The following CDH20 variants were observed in gnomAD, a reference collection of about 807,000 sequenced individuals.
CDH20 encodes cadherin-20.
In CDH20, 29 loss-of-function variants were observed where a neutral mutation model predicts 74.2. That is an observed-to-expected ratio of 0.39 (90% CI 0.29 to 0.53). CDH20 has a LOEUF of 0.53. Among genes scored for constraint, CDH20 ranks in the 20% least tolerant of loss-of-function variants. The pLI, the probability that CDH20 is intolerant of heterozygous loss-of-function variation, is 0.69. For synonymous variants in CDH20, 469 were observed against 405.4 expected (o/e 1.16, Z -1.88); for missense variants, 988 against 1,048.3 (o/e 0.94, Z 0.79).
intron 1 of CDH20, among the ~76,000 whole-genome samples, chr18:61,427,226 T>C (rs1192261689): frequency 6.6e-6 from 1 of 152,140 alleles, no homozygotes; most frequent in African/African-American, 2.4e-5. Flanking sequence ...TTACATACAA[T>C]AATTGTGAGG....
intron 1 of CDH20, among the ~76,000 whole-genome samples, chr18:61,475,045 T>C (rs1487568079): frequency 6.6e-6 from 1 of 152,022 alleles, no homozygotes; most frequent in Non-Finnish European, 1.5e-5. Context: ...TTTTATCAGT[T>C]AAAAAATGAG....
chr18:61,395,752 T>C (rs749633988), intron 1 of CDH20, among the ~76,000 whole-genome samples: 5 of 152,220 alleles, frequency 3.3e-5, no homozygotes, highest in Admixed American at 6.5e-5. Context: ...TATATGACCT[T>C]GGCCAGGCGC....
intron 6 of CDH20, among the ~76,000 whole-genome samples, chr18:61,523,740 TA>T (rs1324868351): frequency 6.6e-6 from 1 of 152,070 alleles, no homozygotes; most frequent in Non-Finnish European, 1.5e-5. Flanking sequence ...TATGCAGCCA[TA>T]AAAAAGGAGG....
At chr18:61,481,683 A>T (rs771936366) in intron 1 of CDH20, among the ~76,000 whole-genome samples, 8 of 152,136 alleles carry the variant, frequency 5.3e-5, no homozygotes, top group Non-Finnish European at 7.3e-5. Context: ...GCCATTGCCC[A>T]TACACATTAG....
intron 1 of CDH20, among the ~76,000 whole-genome samples, chr18:61,412,369 T>G (rs1912541777): frequency 6.6e-6 from 1 of 152,202 alleles, no homozygotes; most frequent in Non-Finnish European, 1.5e-5. Flanking sequence ...AAATTCACAC[T>G]GCTGTTGAGG....
chr18:61,478,274 T>C (rs1000266332), intron 1 of CDH20, among the ~76,000 whole-genome samples: 1 of 152,186 alleles, frequency 6.6e-6, no homozygotes, highest in African/African-American at 2.4e-5. Flanking sequence ...ATTTTTCTTA[T>C]TGTCATTTGA....
intron 1 of CDH20, among the ~76,000 whole-genome samples, chr18:61,447,261 G>T (rs1909232329): frequency 6.6e-6 from 1 of 152,194 alleles, no homozygotes. Flanking sequence ...GAGTTTACCA[G>T]GAGATAGTTG....
intron 1 of CDH20, among the ~76,000 whole-genome samples, chr18:61,348,469 C>G (rs919424079): frequency 4.3e-4 from 66 of 152,160 alleles, no homozygotes; most frequent in African/African-American, 1.5e-3. Flanking sequence ...TGAGTCATAA[C>G]CTGCTTCAAA....
chr18:61,408,720 T>C (rs1451538928), intron 1 of CDH20, among the ~76,000 whole-genome samples: 2 of 152,172 alleles, frequency 1.3e-5, no homozygotes, highest in African/African-American at 2.4e-5. Context: ...CAGCAACAAG[T>C]TGTTAATCAG....
At chr18:61,505,641 C>A (rs141936476) in intron 5 of CDH20, among the ~76,000 whole-genome samples, 132 of 152,242 alleles carry the variant, frequency 8.7e-4, no homozygotes, top group African/African-American at 3.0e-3. Flanking sequence ...CAGCCTCAAG[C>A]CAACATCTTA....
At chr18:61,544,492 G>T (rs945165655) in intron 9 of CDH20, among the ~76,000 whole-genome samples, 8 of 152,250 alleles carry the variant, frequency 5.3e-5, no homozygotes, top group African/African-American at 1.4e-4. Context: ...AGTGGTGAAG[G>T]TGGTTCTTAG....
chr18:61,521,468 A>C lies in CDH20; in HGVS notation c.1018-6499A>C, dbSNP rs141186030. ...ACCAAAAAAGCCCAGGATGATACAG[A>C]TTCACAGCCGAATTCTACCAGAGGT... On this transcript the variant is annotated intron_variant, in intron 6 of 11. Coordinates refer to ENST00000262717, the MANE Select transcript of CDH20 (RefSeq NM_031891.4). Among the ~76,000 whole-genome samples, 19 of 151,426 alleles carry C rather than the reference A, an allele frequency of 1.3e-4. No homozygotes were observed. In the East Asian group the frequency reaches 3.7e-3, roughly 29 times the overall value.
chr18:61,503,233 G>C, intron 5 of CDH20, 113 bp downstream of exon 5: 1 of 740,534 alleles, frequency 1.4e-6, no homozygotes, highest in Non-Finnish European at 2.1e-6. Flanking sequence ...ATTATCCATA[G>C]ATTCCTTTCT....
intron 1 of CDH20, among the ~76,000 whole-genome samples, chr18:61,484,737 CCA>C (rs36203080): frequency 4.5e-4 from 66 of 146,348 alleles, no homozygotes; most frequent in African/African-American, 1.4e-3. Flanking sequence ...TTGCTCTACT[CCA>C]CACACACACA....
At chr18:61,438,500 C>T (rs1908912165) in intron 1 of CDH20, among the ~76,000 whole-genome samples, 2 of 152,092 alleles carry the variant, frequency 1.3e-5, no homozygotes, top group African/African-American at 4.8e-5. Context: ...AAAATATTTA[C>T]AGTACTTACA....
intron 6 of CDH20, among the ~76,000 whole-genome samples, chr18:61,522,689 A>C (rs1912254229): frequency 6.6e-6 from 1 of 152,226 alleles, no homozygotes; most frequent in South Asian, 2.1e-4. Context: ...AGTAACCAAA[A>C]AAGCATGGTA....
intron 9 of CDH20, among the ~76,000 whole-genome samples, chr18:61,539,737 C>A (rs1912960165): frequency 1.3e-5 from 2 of 152,162 alleles, no homozygotes; most frequent in African/African-American, 4.8e-5. Context: ...CCTTTCTTAA[C>A]TTCTGGCAAG....
chr18:61,354,645 T>TC (rs397948050), intron 1 of CDH20, among the ~76,000 whole-genome samples: 1 of 151,986 alleles, frequency 6.6e-6, no homozygotes, highest in Non-Finnish European at 1.5e-5. Flanking sequence ...AGGTTTTTTT[T>TC]CAAATGAGTA....
intron 1 of CDH20, among the ~76,000 whole-genome samples, chr18:61,420,851 C>T (rs1459186753): frequency 2.6e-5 from 4 of 151,990 alleles, no homozygotes; most frequent in African/African-American, 9.7e-5. Flanking sequence ...ATCAGGAGTT[C>T]GAGGCTAGCC....
Sources: gnomAD v4.1 joint callset for allele counts (sites outside exome capture counted in the v4.1 genomes callset) on GRCh38, gnomAD v4.1.1 for gene constraint, MANE v1.5 for transcripts, NCBI Gene and HGNC (gene_info 2026-07-23, HGNC 2026-07-21) for gene names.